PKD1L3: variants seen among roughly 807,000 people sequenced by gnomAD.
PKD1L3 encodes the protein polycystin-1-like protein 3.
A neutral mutation model predicts 184.1 loss-of-function variants in PKD1L3; 239 were observed. The ratio of observed to expected loss-of-function variants is 1.30; its 90% CI spans 1.17 to 1.45. The LOEUF is 1.45. PKD1L3 is among the 40% of genes most tolerant of loss of function. The pLI, the probability that PKD1L3 is intolerant of heterozygous loss-of-function variation, is 0.00. For missense variants in PKD1L3, 2,660 were observed against 2,067.2 expected (o/e 1.29, Z -5.56); for synonymous variants, 996 against 778.8 (o/e 1.28, Z -4.64).
rs747856786 is a variant in PKD1L3, at chr16:71,935,622, CTGCCAGGCA to C, written c.4453-113_4453-105del. 229 of 1,079,724 alleles carry C rather than the reference CTGCCAGGCA, an allele frequency of 2.1e-4. 2 individuals are homozygous for C. The Middle Eastern group carries it at 2.8e-3, about 13-fold the overall frequency. 66.9% of individuals were successfully genotyped at this position (1,079,724 alleles called of 1,614,324 possible). ...AGCTGATGTCTGTGGGCAAAGCACA[CTGCCAGGCA>C]TTTATCAGATCTCACTTGGACAAAT... On this transcript the variant is annotated intron_variant, in intron 25 of 29. Coordinates refer to ENST00000620267, the MANE Select transcript of PKD1L3 (RefSeq NM_181536.2).
rs972836234 is a variant in PKD1L3, at chr16:71,950,161, G to A, written c.3340C>T (p.Leu1114Phe). 3.9e-6 allele frequency: 6 copies of A among 1,552,154 alleles called. No individual in the cohort carries two copies. The Admixed American group carries it at 5.9e-5, about 15-fold the overall frequency. Residue 1114 changes from leucine to phenylalanine, a missense_variant, in exon 20 of 30, where the codon CTC becomes TTC. Coordinates refer to ENST00000620267, the MANE Select transcript of PKD1L3 (RefSeq NM_181536.2). ...GTGGGAAGAATATGTGTTTCCAAGA[G>A]TTCCTGGAGTTTTTGAAGTTGGCTG... ...AASQLQKLQE[L>F]LETHILPTEQ... is the part of the protein sequence containing the mutation.
At chr16:71,956,571 C>A (rs993953872) in intron 16 of PKD1L3, among the ~76,000 whole-genome samples, 2 of 152,120 alleles carry the variant, frequency 1.3e-5, no homozygotes, top group Non-Finnish European at 2.9e-5. Context: ...ATAAGCCAGT[C>A]ACCGACAGAC....
At chr16:71,998,714 G>C (rs1168267753) in intron 1 of PKD1L3, among the ~76,000 whole-genome samples, 2 of 152,150 alleles carry the variant, frequency 1.3e-5, no homozygotes. Flanking sequence ...ACCTTCCAAA[G>C]TGCTAGGATT....
chr16:71,975,185 A>G (rs961291538), intron 11 of PKD1L3, among the ~76,000 whole-genome samples: 4 of 150,872 alleles, frequency 2.7e-5, no homozygotes, highest in Admixed American at 2.6e-4. Flanking sequence ...CCTCCCAAGT[A>G]GTTAGGACTA....
chr16:71,986,904 TAAGGA>T (rs1396837323), intron 4 of PKD1L3, among the ~76,000 whole-genome samples: 95 of 141,014 alleles, frequency 6.7e-4, no homozygotes, highest in Middle Eastern at 3.7e-3. Context: ...TGTTCAGTGG[TAAGGA>T]GAGGATTTTT....
chr16:71,947,962 G>C (rs1284062726), intron 21 of PKD1L3, among the ~76,000 whole-genome samples: 1 of 151,498 alleles, frequency 6.6e-6, no homozygotes, highest in Non-Finnish European at 1.5e-5. Context: ...TGTCACCCAG[G>C]CTGGAATGCA....
intron 24 of PKD1L3, among the ~76,000 whole-genome samples, chr16:71,941,495 T>TG (rs776623663): frequency 6.7e-6 from 1 of 148,480 alleles, no homozygotes; most frequent in Non-Finnish European, 1.5e-5. Context: ...ACAGAAAAAA[T>TG]GGAGAAGAAA....
intron 2 of PKD1L3, among the ~76,000 whole-genome samples, chr16:71,996,879 T>G (rs963255373): frequency 1.3e-5 from 2 of 152,064 alleles, no homozygotes. Context: ...GCATTATCTC[T>G]CTACAGGTAC....
At chr16:71,933,620 A>G in intron 27 of PKD1L3, 99 bp from the exon 28 acceptor site, 4 of 922,212 alleles carry the variant, frequency 4.3e-6, no homozygotes, top group Non-Finnish European at 6.8e-6. Context: ...AATGGAACAG[A>G]AATTCCTTGT....
chr16:71,982,086 C>G lies in PKD1L3; in HGVS notation c.1116G>C (p.Trp372Cys). The change falls in exon 7 of 30, where the codon TGG (tryptophan) becomes TGC (cysteine). Residue 372 changes from tryptophan (W) to cysteine (C), a missense_variant. Trp to Cys is a radical substitution (Grantham distance 215). Transcript: ENST00000620267. ...GCTCAGTATGACGCTTGGATTCCAG[C>G]CAACTTCCTTCTCCAGCTTTGGTGA... ...NNVTKAGEGS[W>C]LESKRHTEPV... 1.3e-6 allele frequency: 2 copies of G among 1,549,648 alleles called. No homozygotes were observed. The highest frequency in any genetic ancestry group is 1.7e-6 in the Non-Finnish European group (2 of 1,146,230).
intron 5 of PKD1L3, among the ~76,000 whole-genome samples, chr16:71,985,388 G>A (rs2040317714): frequency 6.6e-6 from 1 of 152,068 alleles, no homozygotes; most frequent in South Asian, 2.1e-4. Flanking sequence ...AGGGAAGCAG[G>A]ATTATTTTCT....
chr16:71,937,117 G>A (rs769281418), intron 25 of PKD1L3, among the ~76,000 whole-genome samples, 175 bp downstream of exon 25: 24 of 152,032 alleles, frequency 1.6e-4, no homozygotes, highest in South Asian at 4.1e-4. Flanking sequence ...GTGCAGTGGC[G>A]TGATCTTAGC....
chr16:71,960,019 G>C (rs954359312), intron 16 of PKD1L3, among the ~76,000 whole-genome samples: 2 of 152,138 alleles, frequency 1.3e-5, no homozygotes, highest in Non-Finnish European at 2.9e-5. Context: ...TACTCAGGAA[G>C]CTGAGGTGGG....
intron 4 of PKD1L3, among the ~76,000 whole-genome samples, chr16:71,990,051 C>A (rs1256304899): frequency 1.4e-5 from 2 of 147,538 alleles, no homozygotes; most frequent in East Asian, 2.0e-4. Context: ...TGCACTCCAG[C>A]CTGGGTGACA....
intron 3 of PKD1L3, among the ~76,000 whole-genome samples, chr16:71,992,424 T>G (rs1352319178): frequency 6.6e-6 from 1 of 152,238 alleles, no homozygotes; most frequent in Non-Finnish European, 1.5e-5. Flanking sequence ...ATGGAAGCAT[T>G]GCTCTCACTA....
chr16:71,954,586 T>G (rs1464504161), intron 16 of PKD1L3, among the ~76,000 whole-genome samples: 1 of 152,186 alleles, frequency 6.6e-6, no homozygotes, highest in Non-Finnish European at 1.5e-5. Context: ...TGTTTTAGCT[T>G]TATAAGAGTT....
intron 4 of PKD1L3, among the ~76,000 whole-genome samples, chr16:71,986,945 G>A (rs1254785102): frequency 2.8e-5 from 2 of 71,938 alleles, no homozygotes; most frequent in Non-Finnish European, 4.1e-5. Flanking sequence ...TTTTTTTTGA[G>A]ACAGAGTCTC....
chr16:71,935,221 ATGAG>A (rs2038132332), intron 26 of PKD1L3, 133 bp downstream of exon 26: 1 of 911,156 alleles, frequency 1.1e-6, no homozygotes, highest in East Asian at 2.7e-5. Context: ...TGCTGTGGAC[ATGAG>A]TCCAAGTTCT....
In PKD1L3 at chr16:71,947,491, C is replaced by G; in HGVS notation, c.3718+1G>C. The G allele has an allele frequency of 3.3e-6, 5 of 1,522,558 alleles. No homozygotes were observed. Among genetic ancestry groups the G allele is most frequent in the Non-Finnish European group, 4.5e-6 (5 of 1,122,902 alleles). The allele number at this position is 1,522,558 out of a possible 1,614,324, so 94.3% of individuals were successfully genotyped here. ...GTAGTTGTTAGAACTACTTGAGTTACCCAAGAGTGCCAAGATCCTCTTTGT... is the reference window on the plus strand; with the variant it reads ...GTAGTTGTTAGAACTACTTGAGTTAGCCAAGAGTGCCAAGATCCTCTTTGT... On this transcript the variant is annotated splice_donor_variant, in intron 22 of 29. Transcript: ENST00000620267. LOFTEE classifies it high-confidence loss of function.
Sources: gnomAD v4.1 joint callset for allele counts (sites outside exome capture counted in the v4.1 genomes callset) on GRCh38, gnomAD v4.1.1 for gene constraint, MANE v1.5 for transcripts, NCBI Gene and HGNC (gene_info 2026-07-23, HGNC 2026-07-21) for gene names.